The following SPOCK1 variants were observed in gnomAD, a reference collection of about 807,000 sequenced individuals.
The protein encoded by SPOCK1 is SPARC (osteonectin), cwcv and kazal like domains proteoglycan 1, also known as testican-1.
In SPOCK1, 23 loss-of-function variants were observed where a neutral mutation model predicts 55.3. The observed-to-expected ratio is 0.42, with a 90% CI of 0.30 to 0.59. The LOEUF is 0.59. Ranked by LOEUF, SPOCK1 falls within the 20% of genes least tolerant of loss-of-function variation. The pLI is 0.22. For missense variants in SPOCK1, 499 were observed against 552.5 expected (o/e 0.90, Z 0.97); for synonymous variants, 226 against 221.0 (o/e 1.02, Z -0.20).
chr5:137,493,274 A>ACATT (rs770474111), intron 2 of SPOCK1, among the ~76,000 whole-genome samples: 7 of 152,214 alleles, frequency 4.6e-5, no homozygotes, highest in Non-Finnish European at 1.0e-4. Context: ...TTAATTACTA[A>ACATT]CATTATTTTG....
intron 2 of SPOCK1, among the ~76,000 whole-genome samples, chr5:137,301,636 C>CTT (rs34828127): frequency 0.16 from 20,698 of 129,608 alleles, 2,482 homozygotes; most frequent in East Asian, 0.27. Flanking sequence ...ATTTCGTCTC[C>CTT]TTTTTTTTTT....
At chr5:137,229,896 G>A (rs1189120511) in intron 3 of SPOCK1, among the ~76,000 whole-genome samples, 1 of 152,164 alleles carries the variant, frequency 6.6e-6, no homozygotes, top group Non-Finnish European at 1.5e-5. Context: ...TCTGACAGGA[G>A]GCAGAGCTCA....
intron 2 of SPOCK1, among the ~76,000 whole-genome samples, chr5:137,434,475 T>TTTTTC: frequency 6.9e-6 from 1 of 144,074 alleles, no homozygotes; most frequent in Non-Finnish European, 1.5e-5. Context: ...CCATTTCTTT[T>TTTTTC]TTTTCTTTTT....
chr5:137,468,609 C>T (rs1243011164), intron 2 of SPOCK1, among the ~76,000 whole-genome samples: 1 of 152,144 alleles, frequency 6.6e-6, no homozygotes, highest in African/African-American at 2.4e-5. Context: ...GTGAAACCCC[C>T]AAGTACACTG....
At chr5:137,289,036 C>A (rs1236281822) in intron 2 of SPOCK1, among the ~76,000 whole-genome samples, 1 of 152,200 alleles carries the variant, frequency 6.6e-6, no homozygotes, top group South Asian at 2.1e-4. Context: ...CAGAACCCAG[C>A]TTGAGTCTTG....
At chr5:137,159,411 C>T (rs1754483581) in intron 3 of SPOCK1, among the ~76,000 whole-genome samples, 1 of 152,132 alleles carries the variant, frequency 6.6e-6, no homozygotes, top group Admixed American at 6.5e-5. Flanking sequence ...GATTTTGGTA[C>T]ACCCATCACC....
intron 2 of SPOCK1, among the ~76,000 whole-genome samples, chr5:137,494,454 A>G (rs6893226): frequency 0.4 from 60,444 of 151,928 alleles, 12,121 homozygotes; most frequent in East Asian, 0.46. Flanking sequence ...TTTTGATCAA[A>G]AGACTTAACC....
intron 3 of SPOCK1, among the ~76,000 whole-genome samples, chr5:137,179,971 G>A (rs1177440012): frequency 6.6e-6 from 1 of 152,128 alleles, no homozygotes; most frequent in East Asian, 1.9e-4. Flanking sequence ...CGCCACAGGA[G>A]GTATCTCCTT....
intron 2 of SPOCK1, among the ~76,000 whole-genome samples, chr5:137,440,367 TA>T (rs1189992319): frequency 6.6e-6 from 1 of 151,764 alleles, no homozygotes; most frequent in Non-Finnish European, 1.5e-5. Context: ...AAGGAAGAAA[TA>T]AGTTTGCATG....
chr5:137,265,876 G>A lies in SPOCK1; in HGVS notation c.232+1134C>T, dbSNP rs913356939. On this transcript the variant is annotated intron_variant, in intron 3 of 10. Coordinates refer to ENST00000394945, the MANE Select transcript of SPOCK1 (RefSeq NM_004598.4). ...TCCCTACTCCCCACTCTGAGCTCCT[G>A]TAGGGTAGGCACCACAGCATTTTTC... Among the ~76,000 whole-genome samples, 8 of 152,176 alleles carry A rather than the reference G, an allele frequency of 5.3e-5. No individual in the cohort carries two copies. The East Asian group carries it at 1.5e-3, about 29-fold the overall frequency.
intron 6 of SPOCK1, among the ~76,000 whole-genome samples, chr5:136,996,873 C>T (rs942091039): frequency 1.3e-5 from 2 of 152,088 alleles, no homozygotes; most frequent in Non-Finnish European, 2.9e-5. Flanking sequence ...GCAGCGGCAA[C>T]CCTCTCGGTT....
At chr5:137,484,057 G>A (rs1436471417) in intron 2 of SPOCK1, among the ~76,000 whole-genome samples, 1 of 152,138 alleles carries the variant, frequency 6.6e-6, no homozygotes, top group East Asian at 1.9e-4. Context: ...GTCTGTATTC[G>A]ACAGGAAAAA....
At chr5:136,985,315 G>A in intron 8 of SPOCK1, 113 bp from the exon 9 acceptor site, 3 of 1,035,432 alleles carry the variant, frequency 2.9e-6, no homozygotes, top group East Asian at 2.4e-5. Context: ...GAGTGGAATT[G>A]TTCCATATGC....
intron 2 of SPOCK1, among the ~76,000 whole-genome samples, chr5:137,321,231 A>C (rs1198258378): frequency 6.6e-6 from 1 of 151,814 alleles, no homozygotes; most frequent in Non-Finnish European, 1.5e-5. Flanking sequence ...AGCCTAAAGG[A>C]CCTACTATGG....
intron 6 of SPOCK1, among the ~76,000 whole-genome samples, chr5:137,025,853 T>C (rs1393347910): frequency 6.6e-6 from 1 of 152,174 alleles, no homozygotes; most frequent in African/African-American, 2.4e-5. Context: ...AGTCCAAACC[T>C]GTGATATTTC....
chr5:137,378,699 C>T (rs1380278876), intron 2 of SPOCK1, among the ~76,000 whole-genome samples: 1 of 152,174 alleles, frequency 6.6e-6, no homozygotes, highest in Non-Finnish European at 1.5e-5. Context: ...GGCAAACATG[C>T]CTGGCCTAAA....
chr5:137,302,381 A>T lies in SPOCK1; in HGVS notation c.187-35326T>A, dbSNP rs539146794. Among the ~76,000 whole-genome samples the T allele has an allele frequency of 5.9e-3, 874 of 149,072 alleles. 13 individuals carry two copies. The highest frequency in any genetic ancestry group is 0.02 in the African/African-American group (815 of 40,288). The stretch of plus-strand genomic sequence containing the variant: ...TCAGGAGATTGAGACCATCCTGGCC[A>T]ACACAGTGAAACCCCGTCTCTACTA... On this transcript the variant is annotated intron_variant, in intron 2 of 10. Transcript: ENST00000394945.
At chr5:137,150,387 G>T (rs906397570) in intron 3 of SPOCK1, among the ~76,000 whole-genome samples, 22 of 152,040 alleles carry the variant, frequency 1.4e-4, no homozygotes, top group Non-Finnish European at 2.9e-4. Flanking sequence ...CCTAAGTTTT[G>T]GGCACTAGGT....
intron 2 of SPOCK1, among the ~76,000 whole-genome samples, chr5:137,320,656 A>G (rs963626811): frequency 6.6e-6 from 1 of 152,246 alleles, no homozygotes; most frequent in Non-Finnish European, 1.5e-5. Context: ...CGCCTGAAAA[A>G]GAGACCAGCA....
Sources: gnomAD v4.1 joint callset for allele counts (sites outside exome capture counted in the v4.1 genomes callset) on GRCh38, gnomAD v4.1.1 for gene constraint, MANE v1.5 for transcripts, NCBI Gene and HGNC (gene_info 2026-07-23, HGNC 2026-07-21) for gene names.